MT3: variants seen among roughly 807,000 people sequenced by gnomAD.
MT3 encodes metallothionein-3.
A neutral mutation model predicts 10.9 loss-of-function variants in MT3; 8 were observed. The ratio of observed to expected loss-of-function variants is 0.73; its 90% confidence interval spans 0.43 to 1.33. MT3 has a LOEUF of 1.33. MT3 is among the 40% of genes most tolerant of loss of function. MT3 has a pLI of 0.01. For missense variants in MT3, 75 were observed against 83.9 expected, an observed-to-expected ratio of 0.89 and a Z score of 0.41; for synonymous variants, 32 against 29.9, an observed-to-expected ratio of 1.07 and a Z score of -0.23.
chr16:56,590,957 C>G lies in MT3; in HGVS notation c.*8C>G. ...TGCAGCTGCTGCCAGTGAGAAGGCACCCCTCCGTGTGGAGCACGTGGAGAT... is the reference window on the plus strand; with the variant it reads ...TGCAGCTGCTGCCAGTGAGAAGGCAGCCCTCCGTGTGGAGCACGTGGAGAT... On this transcript the variant is annotated 3_prime_UTR_variant, in exon 3 of 3. Transcript: ENST00000200691. The G allele has an allele frequency of 6.2e-7, 1 of 1,610,844 alleles. No homozygotes were observed. The highest frequency in any genetic ancestry group is 8.5e-7 in the Non-Finnish European group (1 of 1,178,402).
intron 2 of MT3, chr16:56,590,555 C>T (rs1362160688): frequency 1.4e-5 from 7 of 502,110 alleles, no homozygotes; most frequent in Non-Finnish European, 2.5e-5. Context: ...AGGCCTAGTA[C>T]CCACCTAAGC....
chr16:56,590,852 G>A lies in MT3; in HGVS notation c.110G>A (p.Cys37Tyr). 1 of 1,613,794 alleles carries A rather than the reference G, an allele frequency of 6.2e-7. No homozygotes were observed. The highest frequency in any genetic ancestry group is 8.5e-7 in the Non-Finnish European group (1 of 1,179,900). ...CTSCKKSCCSCCPAECEKCAK... is the reference protein window; with the variant it reads ...CTSCKKSCCSYCPAECEKCAK... ...ATTTTATCTGCAGGCTGCTGCTCCTGCTGCCCTGCGGAGTGTGAGAAGTGT... is the reference window on the plus strand; with the variant it reads ...ATTTTATCTGCAGGCTGCTGCTCCTACTGCCCTGCGGAGTGTGAGAAGTGT... The change falls in exon 3 of 3, where the codon TGC becomes TAC. Residue 37 changes from cysteine to tyrosine, a missense_variant. By Grantham distance (194) the Cys-to-Tyr change is radical. Transcript: ENST00000200691.
rs1455153902 is a variant in MT3, at chr16:56,590,826, C to T, written c.98-14C>T. The T allele has an allele frequency of 1.9e-6, 3 of 1,611,542 alleles. No individual in the cohort carries two copies. The highest frequency in any genetic ancestry group is 1.1e-5 in the South Asian group (1 of 90,646). On this transcript the variant is annotated splice_polypyrimidine_tract_variant and intron_variant, in intron 2 of 2. Coordinates refer to ENST00000200691, the MANE Select transcript of MT3 (RefSeq NM_005954.4). ...TGTGCATCAGAGAGTGGTCATCTTC[C>T]ATTTTATCTGCAGGCTGCTGCTCCT...
At chr16:56,589,818 G>A (rs770643073) in intron 1 of MT3, 52 bp from the exon 2 acceptor site, 43 of 1,606,426 alleles carry the variant, frequency 2.7e-5, no homozygotes, top group Non-Finnish European at 3.6e-5. Context: ...TGACAGGCGT[G>A]GGGACCCGAG....
At chr16:56,589,651 G>A (rs747199216) in intron 1 of MT3, 30 bp downstream of exon 1, 4 of 1,605,154 alleles carry the variant, frequency 2.5e-6, no homozygotes, top group African/African-American at 1.3e-5. Flanking sequence ...CGCATCCTGC[G>A]CACTGCGCGC....
In MT3 at chr16:56,590,924, C is replaced by G; in HGVS notation, c.182C>G (p.Ala61Gly). 1 of 1,613,788 alleles carries G rather than the reference C, an allele frequency of 6.2e-7. No individual in the cohort carries two copies. Among genetic ancestry groups the G allele is most frequent in the Non-Finnish European group, 8.5e-7 (1 of 1,179,948 alleles). ...GGCGGAGAGGCAGCTGAGGCAGAAG[C>G]AGAGAAGTGCAGCTGCTGCCAGTGA... ...CKGGEAAEAE[A>G]EKCSCCQ Residue 61 changes from alanine to glycine, a missense_variant, in exon 3 of 3, where the codon GCA becomes GGA. By Grantham distance (60) the Ala-to-Gly change is moderately conservative. Coordinates refer to ENST00000200691, the MANE Select transcript of MT3 (RefSeq NM_005954.4).
chr16:56,589,659 C>A (rs1959797437), intron 1 of MT3, 38 bp downstream of exon 1: 2 of 1,605,056 alleles, frequency 1.2e-6, no homozygotes, highest in Non-Finnish European at 1.7e-6. Context: ...GCGCACTGCG[C>A]GCCCTTGTAC....
In MT3 at chr16:56,589,878, T is replaced by C. The variant is rs749437781; in HGVS notation, c.40T>C (p.Cys14Arg). The change falls in exon 2 of 3, where the codon TGC (cysteine) becomes CGC (arginine). Residue 14 changes from cysteine (C) to arginine (R), a missense_variant. Physicochemically the swap from Cys to Arg is radical, Grantham distance 180. Coordinates refer to ENST00000200691, the MANE Select transcript of MT3 (RefSeq NM_005954.4). ...GGCGTCGCCCTCTCTAGGTGGCTCC[T>C]GCACCTGCGCGGACTCCTGCAAGTG... ...ETCPCPSGGS[C>R]TCADSCKCEG... 6 of 1,613,994 alleles carry C rather than the reference T, an allele frequency of 3.7e-6. No homozygotes were observed. The East Asian group carries it at 1.3e-4, about 36-fold the overall frequency.
Position 56,589,599 on chromosome 16 carries a change from T to G in MT3, c.9T>G (p.Pro3=), listed in dbSNP as rs1344448976. The G allele has an allele frequency of 9.4e-6, 15 of 1,598,280 alleles. No individual in the cohort carries two copies. The highest frequency in any genetic ancestry group is 1.7e-4 in the Middle Eastern group (1 of 6,030). The part of the protein sequence containing the change: MD[P]ETCPCPSGGS... ...CTGCTGCTCTCCTCGACATGGACCC[T>G]GAGACCTGCCCCTGCCCTTCTGGTG... The change falls in exon 1 of 3, where the codon CCT becomes CCG. Residue 3 remains proline, a synonymous_variant. Transcript: ENST00000200691.
At chr16:56,590,599 G>A in intron 2 of MT3, 1 of 548,756 alleles carries the variant, frequency 1.8e-6, no homozygotes, top group East Asian at 3.1e-5. Context: ...AGGACTTCCT[G>A]GCATCCACCC....
In MT3 at chr16:56,589,626, G is replaced by T. The variant is rs1415434694; in HGVS notation, c.31+5G>T. 35 of 1,605,220 alleles carry T rather than the reference G, an allele frequency of 2.2e-5. No individual in the cohort carries two copies. The highest frequency in any genetic ancestry group is 2.8e-5 in the Non-Finnish European group (33 of 1,179,570). Reference sequence around the variant, plus strand: ...AGACCTGCCCCTGCCCTTCTGGTGAGCCCCCGCCCCCGCTCGCATCCTGCG... The same window carrying T: ...AGACCTGCCCCTGCCCTTCTGGTGATCCCCCGCCCCCGCTCGCATCCTGCG... On this transcript the variant is annotated splice_donor_5th_base_variant and intron_variant, in intron 1 of 2. Transcript: ENST00000200691.
intron 2 of MT3, 171 bp downstream of exon 2, chr16:56,590,106 C>T (rs1959804772): frequency 1.3e-6 from 1 of 741,676 alleles, no homozygotes; most frequent in Non-Finnish European, 2.4e-6. Flanking sequence ...CTGCCCCACA[C>T]CCAGGAATTG....
rs142268065 is a variant in MT3 at position 56,590,771 on chromosome 16, C to G, written c.98-69C>G. 2.3e-4 allele frequency: 339 copies of G among 1,488,840 alleles called. 1 individual carries two copies. In the African/African-American group the frequency reaches 4.4e-3, roughly 19 times the overall value. 92.2% of individuals were successfully genotyped at this position (1,488,840 alleles called of 1,614,324 possible). On this transcript the variant is annotated intron_variant, in intron 2 of 2. Coordinates refer to ENST00000200691, the MANE Select transcript of MT3 (RefSeq NM_005954.4). ...ATGACTCCCCACCCAGCACCCTTCC[C>G]TCCCCTTTGATGGGGACGAATTGGG...
rs762297545 is a variant in MT3, at chr16:56,590,948, G to T, written c.206G>T (p.Ter69LeuextTer?). ...GCAGAGAAGTGCAGCTGCTGCCAGT[G>T]AGAAGGCACCCCTCCGTGTGGAGCA... ...AEAEKCSCCQ[*>L] The change falls in exon 3 of 3, where the codon TGA (stop) becomes TTA (leucine). Residue 69 changes from the stop codon to leucine (L), a stop_lost. Coordinates refer to ENST00000200691, the MANE Select transcript of MT3 (RefSeq NM_005954.4). 10 of 1,612,586 alleles carry T rather than the reference G, an allele frequency of 6.2e-6. No homozygotes were observed. The East Asian group carries it at 2.2e-4, about 36-fold the overall frequency.
rs552702942 is a variant in MT3 at position 56,590,671 on chromosome 16, C to T, written c.98-169C>T. The T allele has an allele frequency of 2.5e-4, 161 of 642,530 alleles. 2 individuals are homozygous for T. The East Asian group carries it at 3.0e-3, about 12-fold the overall frequency. The allele number at this position is 642,530 out of a possible 1,614,324, so 39.8% of individuals were successfully genotyped here. On this transcript the variant is annotated intron_variant, in intron 2 of 2. Coordinates refer to ENST00000200691, the MANE Select transcript of MT3 (RefSeq NM_005954.4). ...GTGGAGGTGCAGGATGCCACTGCCG[C>T]GACATAGATGCTGAGTCAAAGCAGG... is the stretch of plus-strand genomic sequence containing the variant.
chr16:56,589,869 G>A lies in MT3; in HGVS notation c.32-1G>A, dbSNP rs1959800516. 1 of 1,613,964 alleles carries A rather than the reference G, an allele frequency of 6.2e-7. No homozygotes were observed. Among genetic ancestry groups the A allele is most frequent in the Non-Finnish European group, 8.5e-7 (1 of 1,180,004 alleles). On this transcript the variant is annotated splice_acceptor_variant, in intron 1 of 2. Transcript: ENST00000200691. LOFTEE classifies it high-confidence loss of function. ...CCTTCCTGTGGCGTCGCCCTCTCTAGGTGGCTCCTGCACCTGCGCGGACTC... is the reference window on the plus strand; with the variant it reads ...CCTTCCTGTGGCGTCGCCCTCTCTAAGTGGCTCCTGCACCTGCGCGGACTC...
chr16:56,589,922 C>A lies in MT3; in HGVS notation c.84C>A (p.Thr28=). 1 of 1,614,110 alleles carries A rather than the reference C, an allele frequency of 6.2e-7. No homozygotes were observed. The highest frequency in any genetic ancestry group is 8.5e-7 in the Non-Finnish European group (1 of 1,180,026). ...GCAAGTGCGAGGGATGCAAATGCACCTCCTGCAAGAAGAGTGAGTGCGGGG... is the reference window on the plus strand; with the variant it reads ...GCAAGTGCGAGGGATGCAAATGCACATCCTGCAAGAAGAGTGAGTGCGGGG... ...DSCKCEGCKC[T]SCKKSCCSCC... The change falls in exon 2 of 3, where the codon ACC becomes ACA. Residue 28 remains threonine, a synonymous_variant. Transcript: ENST00000200691.
chr16:56,590,363 G>C (rs1751784700), intron 2 of MT3: 2 of 548,560 alleles, frequency 3.6e-6, no homozygotes, highest in South Asian at 4.7e-5. Context: ...AGTGTAATAT[G>C]CATAGGGAGT....
Position 56,590,317 on chromosome 16 carries a change from T to C in MT3, c.97+382T>C, listed in dbSNP as rs1009204096. 7.1e-5 allele frequency: 42 copies of C among 588,304 alleles called. No individual in the cohort carries two copies. The African/African-American group carries it at 7.5e-4, about 10-fold the overall frequency. The allele number at this position is 588,304 out of a possible 1,614,324, so 36.4% of individuals were successfully genotyped here. A position where few individuals can be genotyped will look rare whatever the true frequency, so the allele number is the denominator to read the frequency against. ...GGCCTCTCTCCGGCCTTACGGATCC[T>C]CTCAGTTTGATCTCAAAATCTCCCC... On this transcript the variant is annotated intron_variant, in intron 2 of 2. Transcript: ENST00000200691.
Sources: allele counts gnomAD v4.1 joint callset, GRCh38; gene constraint gnomAD v4.1.1; transcripts MANE v1.5; gene names NCBI Gene and HGNC (gene_info 2026-07-23, HGNC 2026-07-21).